The following ARHGAP32 variants were observed in gnomAD, a reference collection of about 807,000 sequenced individuals.
The protein encoded by ARHGAP32 is rho GTPase-activating protein 32.
In ARHGAP32, 51 loss-of-function variants were observed where a neutral mutation model predicts 186.5. The ratio of observed to expected loss-of-function variants is 0.27; its 90% CI spans 0.22 to 0.35. The LOEUF is 0.35. ARHGAP32 is among the 10% of genes least tolerant of loss of function. ARHGAP32 has a pLI of 1.00. For synonymous variants in ARHGAP32, 950 were observed against 964.3 expected, an observed-to-expected ratio of 0.99 and a Z score of 0.27; for missense variants, 2,186 against 2,623.5, an observed-to-expected ratio of 0.83 and a Z score of 3.64.
At position 128,965,633 on chromosome 11, in the gene ARHGAP32, CAT is replaced by C. The variant is rs1945206178; in HGVS notation, c.*3272_*3273del. The stretch of plus-strand genomic sequence containing the variant: ...CTGTAACACACAGTGCTGAAAATCA[CAT>C]GCCTCTAACCATGTGGAAGAAGTAA... On this transcript the variant is annotated 3_prime_UTR_variant, in exon 23 of 23. Coordinates refer to ENST00000682385, the MANE Select transcript of ARHGAP32 (RefSeq NM_001378024.1). 1 of 152,240 alleles carries C rather than the reference CAT, an allele frequency of 6.6e-6. No individual in the cohort carries two copies. Among genetic ancestry groups the C allele is most frequent in the African/African-American group, 2.4e-5 (1 of 41,458 alleles). The allele number at this position is 152,240 out of a possible 1,614,324, so 9.4% of individuals were successfully genotyped here.
At chr11:128,980,991 G>A (rs1945691447) in intron 17 of ARHGAP32, among the ~76,000 whole-genome samples, 1 of 152,138 alleles carries the variant, frequency 6.6e-6, no homozygotes, top group Non-Finnish European at 1.5e-5. Flanking sequence ...TATGAGAAAA[G>A]CTTTATATTA....
chr11:129,059,650 C>T (rs777653710), intron 10 of ARHGAP32, among the ~76,000 whole-genome samples: 34 of 151,862 alleles, frequency 2.2e-4, no homozygotes, highest in Non-Finnish European at 4.1e-4. Context: ...CAAACATGCG[C>T]CACCAAGCCC....
At chr11:129,047,377 A>G (rs546102277) in intron 10 of ARHGAP32, among the ~76,000 whole-genome samples, 1 of 152,276 alleles carries the variant, frequency 6.6e-6, no homozygotes, top group Admixed American at 6.5e-5. Context: ...ATTCTATAAC[A>G]ACAAAAGTAC....
chr11:129,270,750 A>G (rs891266175), intron 1 of ARHGAP32, among the ~76,000 whole-genome samples: 3 of 152,066 alleles, frequency 2.0e-5, no homozygotes, highest in African/African-American at 7.2e-5. Context: ...AAGGAACATC[A>G]CTGAGACTGT....
chr11:129,040,836 C>A, intron 11 of ARHGAP32, 92 bp downstream of exon 11: 3 of 846,754 alleles, frequency 3.5e-6, no homozygotes, highest in South Asian at 1.8e-5. Flanking sequence ...AAATGCAAAA[C>A]TAGCAAAACA....
chr11:129,024,922 T>C (rs1470994621), intron 11 of ARHGAP32, among the ~76,000 whole-genome samples: 1 of 152,202 alleles, frequency 6.6e-6, no homozygotes, highest in Admixed American at 6.5e-5. Flanking sequence ...ATACTGAGAT[T>C]CAATACTTCT....
rs1248737627 is a variant in ARHGAP32, at chr11:128,970,459, G to A, written c.4754C>T (p.Pro1585Leu). Residue 1585 changes from proline (P) to leucine (L), a missense_variant, in exon 23 of 23, where the codon CCC (proline) becomes CTC (leucine). This residue lies in a region of ARHGAP32 where 1,502 missense variants were observed against 1,570.0 expected (regional missense o/e 0.96). Coordinates refer to ENST00000682385, the MANE Select transcript of ARHGAP32 (RefSeq NM_001378024.1). The surrounding 1 kb of genome is among the most constrained non-coding windows in gnomAD (Gnocchi z 5.8). ...LSSSVRNTCY[P>L]EDIPPYPTIR... ...GGTAGGGTACGGTGGAATGTCTTCG[G>A]GGTAACAGGTATTCCTGACAGAGGA... The A allele has an allele frequency of 1.2e-6, 2 of 1,614,154 alleles. No individual in the cohort carries two copies. Among genetic ancestry groups the A allele is most frequent in the Admixed American group, 1.7e-5 (1 of 60,024 alleles).
intron 5 of ARHGAP32, among the ~76,000 whole-genome samples, chr11:129,106,649 C>T (rs1942056239): frequency 6.6e-6 from 1 of 152,036 alleles, no homozygotes; most frequent in Non-Finnish European, 1.5e-5. Context: ...GTAATAAATA[C>T]ACTTGTACAT....
intron 2 of ARHGAP32, among the ~76,000 whole-genome samples, chr11:129,136,027 A>C (rs992921453): frequency 4.6e-5 from 7 of 152,222 alleles, no homozygotes; most frequent in African/African-American, 1.7e-4. Context: ...TTAAGCATTC[A>C]AAAAGATAAG....
At chr11:129,191,452 G>A (rs1474215161) in intron 1 of ARHGAP32, among the ~76,000 whole-genome samples, 3 of 152,100 alleles carry the variant, frequency 2.0e-5, no homozygotes, top group African/African-American at 7.2e-5. Flanking sequence ...TAAACTGAGA[G>A]CTGCTTCATC....
intron 5 of ARHGAP32, among the ~76,000 whole-genome samples, chr11:129,102,942 T>C (rs1941943249): frequency 6.6e-6 from 1 of 152,138 alleles, no homozygotes; most frequent in Non-Finnish European, 1.5e-5. Context: ...ACAGAAGCAT[T>C]ATTCATCATA....
At chr11:129,024,007 A>G (rs1204729176) in intron 11 of ARHGAP32, 12 of 985,448 alleles carry the variant, frequency 1.2e-5, no homozygotes, top group Non-Finnish European at 1.4e-5. Context: ...CAACCTCACC[A>G]CCACAGGTTA....
At chr11:129,174,022 T>C (rs1358043064) in intron 1 of ARHGAP32, among the ~76,000 whole-genome samples, 2 of 152,216 alleles carry the variant, frequency 1.3e-5, no homozygotes, top group Admixed American at 1.3e-4. Context: ...CATTTCCATC[T>C]GAGGTACCAG....
At chr11:129,030,846 C>T (rs552874477) in intron 11 of ARHGAP32, among the ~76,000 whole-genome samples, 20 of 152,304 alleles carry the variant, frequency 1.3e-4, no homozygotes, top group Non-Finnish European at 2.6e-4. Flanking sequence ...GGGGCAGATC[C>T]CTCATGGCTT....
rs548742412 is a variant in ARHGAP32 at position 129,265,325 on chromosome 11, C to G, written c.-5+13821G>C. ...GCAGGGTTTCTCAACCTTGGCGCTA[C>G]TGACATTCTTGACCAGATGGTAATT... On this transcript the variant is annotated intron_variant, in intron 1 of 6. Transcript: ENST00000525234. 3.2e-4 allele frequency among the ~76,000 whole-genome samples: 49 copies of G among 152,334 alleles called. No homozygotes were observed. In the South Asian group the frequency reaches 9.9e-3, roughly 31 times the overall value.
chr11:129,101,392 A>G (rs1467020898), intron 5 of ARHGAP32, among the ~76,000 whole-genome samples: 1 of 152,200 alleles, frequency 6.6e-6, no homozygotes, highest in East Asian at 1.9e-4. Context: ...GAATATGCAT[A>G]GGAATGAAGA....
At chr11:129,189,769 A>G (rs527970175) in intron 1 of ARHGAP32, among the ~76,000 whole-genome samples, 2 of 152,302 alleles carry the variant, frequency 1.3e-5, no homozygotes, top group South Asian at 4.1e-4. Flanking sequence ...ACTGAGTCCA[A>G]AAATAAATGC....
At chr11:129,076,462 A>G (rs772298788) in intron 6 of ARHGAP32, among the ~76,000 whole-genome samples, 1 of 152,212 alleles carries the variant, frequency 6.6e-6, no homozygotes, top group Non-Finnish European at 1.5e-5. Context: ...GAATTAAACT[A>G]TTAGTCAATA....
intron 1 of ARHGAP32, among the ~76,000 whole-genome samples, chr11:129,248,910 G>A (rs1012290190): frequency 1.3e-5 from 2 of 152,150 alleles, no homozygotes; most frequent in Non-Finnish European, 2.9e-5. Flanking sequence ...AGTATATAGT[G>A]AATAAAGCAG....
Sources: gnomAD v4.1 joint callset for allele counts (sites outside exome capture counted in the v4.1 genomes callset) on GRCh38, gnomAD v4.1.1 for gene constraint, gnomAD v4.1.1 regional missense constraint, Gnocchi (gnomAD v3.1) non-coding constraint, MANE v1.5 for transcripts, NCBI Gene and HGNC (gene_info 2026-07-23, HGNC 2026-07-21) for gene names.